Variants in STAG1 observed in about 807,000 individuals in gnomAD.
STAG1 encodes cohesin subunit SA-1.
A neutral mutation model predicts 170.9 loss-of-function variants in STAG1; 26 were observed. The ratio of observed to expected loss-of-function variants is 0.15; its 90% CI spans 0.11 to 0.21. The LOEUF (loss-of-function observed/expected upper bound fraction) is 0.21, where lower values mean the gene tolerates loss of function less well. STAG1 is among the 10% of genes least tolerant of loss of function. The pLI is 1.00. For missense variants in STAG1, 964 were observed against 1,509.5 expected, an observed-to-expected ratio of 0.64 and a Z score of 5.99; for synonymous variants, 514 against 497.7, an observed-to-expected ratio of 1.03 and a Z score of -0.44.
At chr3:136,548,138 G>C (rs1936237782) in intron 5 of STAG1, among the ~76,000 whole-genome samples, 1 of 150,342 alleles carries the variant, frequency 6.7e-6, no homozygotes, top group African/African-American at 2.5e-5. Flanking sequence ...TTTTGAGACA[G>C]GGTCTCACTC....
intron 13 of STAG1, among the ~76,000 whole-genome samples, chr3:136,458,723 T>C (rs993151786): frequency 6.6e-6 from 1 of 151,788 alleles, no homozygotes; most frequent in Non-Finnish European, 1.5e-5. Flanking sequence ...TTGAAAGACA[T>C]ATAAAGTGGC....
chr3:136,588,363 T>A (rs1446212121), intron 4 of STAG1, among the ~76,000 whole-genome samples: 1 of 152,002 alleles, frequency 6.6e-6, no homozygotes, highest in Non-Finnish European at 1.5e-5. Context: ...TGAGATGGAG[T>A]TTCGCTCTTG....
At chr3:136,441,739 C>T (rs1293651795) in intron 15 of STAG1, among the ~76,000 whole-genome samples, 2 of 152,006 alleles carry the variant, frequency 1.3e-5, no homozygotes, top group African/African-American at 2.4e-5. Flanking sequence ...CAGGAGGGTA[C>T]AGGAAGCAGA....
intron 11 of STAG1, among the ~76,000 whole-genome samples, chr3:136,473,122 G>GATCT (rs1559825360): frequency 6.6e-6 from 1 of 152,076 alleles, no homozygotes; most frequent in Non-Finnish European, 1.5e-5. Context: ...GCATGCAAGG[G>GATCT]ATCTACGTTG....
chr3:136,607,994 C>T (rs1338173086), intron 3 of STAG1, among the ~76,000 whole-genome samples: 6 of 152,168 alleles, frequency 3.9e-5, no homozygotes, highest in South Asian at 2.1e-4. Context: ...CAATGGCTCA[C>T]GCCTGTAATC....
At chr3:136,470,079 G>A (rs1314238701) in intron 12 of STAG1, among the ~76,000 whole-genome samples, 1 of 152,142 alleles carries the variant, frequency 6.6e-6, no homozygotes, top group Non-Finnish European at 1.5e-5. Context: ...GCATGGGCAA[G>A]GACTTCATGT....
At chr3:136,666,642 A>G (rs1354229327) in intron 1 of STAG1, among the ~76,000 whole-genome samples, 1 of 152,026 alleles carries the variant, frequency 6.6e-6, no homozygotes, top group Non-Finnish European at 1.5e-5. Flanking sequence ...ACATGGCGAA[A>G]CCCCATCTCT....
At chr3:136,575,026 C>T (rs540952409) in intron 4 of STAG1, among the ~76,000 whole-genome samples, 1 of 152,046 alleles carries the variant, frequency 6.6e-6, no homozygotes, top group South Asian at 2.1e-4. Context: ...CAAAAATATA[C>T]CTAAAATGTC....
chr3:136,665,028 T>C (rs1576734654), intron 1 of STAG1, among the ~76,000 whole-genome samples: 1 of 152,226 alleles, frequency 6.6e-6, no homozygotes, highest in African/African-American at 2.4e-5. Context: ...GTTTTTGAAA[T>C]TGCTTGGGAC....
chr3:136,405,259 T>TC (rs2087448069), intron 21 of STAG1, among the ~76,000 whole-genome samples: 2 of 92,478 alleles, frequency 2.2e-5, no homozygotes, highest in Non-Finnish European at 4.4e-5. Context: ...TTTTTTTTTT[T>TC]CAGACGAAGT....
chr3:136,494,804 T>TA (rs767308760), intron 9 of STAG1, among the ~76,000 whole-genome samples: 12 of 152,194 alleles, frequency 7.9e-5, no homozygotes, highest in Admixed American at 2.0e-4. Context: ...ACACAAAACT[T>TA]AGTTAATAAC....
chr3:136,693,895 G>A (rs917877146), intron 1 of STAG1, among the ~76,000 whole-genome samples: 1 of 152,042 alleles, frequency 6.6e-6, no homozygotes, highest in Admixed American at 6.6e-5. Flanking sequence ...TTTTTAGAGT[G>A]AGACAATTAA....
chr3:136,740,113 C>T (rs959429177), intron 1 of STAG1, among the ~76,000 whole-genome samples: 18 of 151,410 alleles, frequency 1.2e-4, no homozygotes, highest in African/African-American at 3.9e-4. Flanking sequence ...TTTTAAAGCA[C>T]GGTGGCAGGC....
chr3:136,470,189 T>C (rs1267910663), intron 12 of STAG1, among the ~76,000 whole-genome samples: 1 of 151,972 alleles, frequency 6.6e-6, no homozygotes, highest in Non-Finnish European at 1.5e-5. Flanking sequence ...ACCATCAGAG[T>C]GAACAGGCAA....
intron 3 of STAG1, among the ~76,000 whole-genome samples, chr3:136,620,792 A>AT (rs1191759175): frequency 1.3e-5 from 2 of 152,200 alleles, no homozygotes; most frequent in African/African-American, 4.8e-5. Context: ...ACTGGTTGAC[A>AT]TTTTTTCAAT....
At chr3:136,407,075 G>A (rs2087504780) in intron 21 of STAG1, among the ~76,000 whole-genome samples, 1 of 151,960 alleles carries the variant, frequency 6.6e-6, no homozygotes, top group South Asian at 2.1e-4. Flanking sequence ...TGCCCAGGCT[G>A]GAGCGCAGTT....
At chr3:136,672,781 C>T (rs1052765099) in intron 1 of STAG1, among the ~76,000 whole-genome samples, 7 of 152,104 alleles carry the variant, frequency 4.6e-5, no homozygotes, top group Non-Finnish European at 1.0e-4. Context: ...ACAGAGAATT[C>T]ATACAGCAGG....
At chr3:136,751,461 C>T (rs1935233383) in intron 1 of STAG1, among the ~76,000 whole-genome samples, 1 of 152,098 alleles carries the variant, frequency 6.6e-6, no homozygotes, top group African/African-American at 2.4e-5. Flanking sequence ...CTTTTATTGG[C>T]CTCGTCTCTC....
intron 21 of STAG1, among the ~76,000 whole-genome samples, chr3:136,409,482 G>A (rs2087567367): frequency 6.6e-6 from 1 of 151,924 alleles, no homozygotes; most frequent in Non-Finnish European, 1.5e-5. Context: ...GATTACAGGA[G>A]CACGCCACTA....
Sources: gnomAD v4.1 joint callset for allele counts (sites outside exome capture counted in the v4.1 genomes callset) on GRCh38, gnomAD v4.1.1 for gene constraint, MANE v1.5 for transcripts, NCBI Gene and HGNC (gene_info 2026-07-23, HGNC 2026-07-21) for gene names.